Variants in TTC7B observed in about 807,000 individuals in gnomAD.
The protein encoded by TTC7B is tetratricopeptide repeat domain 7B, also known as tetratricopeptide repeat protein 7B.
A neutral mutation model predicts 106.8 loss-of-function variants in TTC7B; 28 were observed. The observed-to-expected ratio is 0.26, with a 90% confidence interval of 0.19 to 0.36. TTC7B has a LOEUF of 0.36. TTC7B is among the 10% of genes least tolerant of loss of function. The pLI, the probability that TTC7B is intolerant of heterozygous loss-of-function variation, is 1.00. For synonymous variants in TTC7B, 405 were observed against 430.6 expected, an observed-to-expected ratio of 0.94 and a Z score of 0.74; for missense variants, 862 against 1,076.4, an observed-to-expected ratio of 0.80 and a Z score of 2.79.
In TTC7B at chr14:90,655,002, C is replaced by T; in HGVS notation, c.1450G>A (p.Ala484Thr). ...LALGLTYSLQATDASLRGMQE... is the reference protein window; with the variant it reads ...LALGLTYSLQTTDASLRGMQE... ...GTGGGACGTCTCTCACCGTCAGTGG[C>T]CTGCAGACTGTACGTGAGCCCCAGA... is the stretch of plus-strand genomic sequence containing the variant. The change falls in exon 12 of 20, where the codon GCC (alanine) becomes ACC (threonine). Residue 484 changes from alanine (A) to threonine (T), a missense_variant. Ala to Thr is a moderately conservative substitution (Grantham distance 58). Transcript: ENST00000328459. 6.2e-7 allele frequency: 1 copy of T among 1,613,466 alleles called. No homozygotes were observed. The highest frequency in any genetic ancestry group is 8.5e-7 in the Non-Finnish European group (1 of 1,179,346).
At chr14:90,603,281 A>C (rs970908961) in intron 17 of TTC7B, 1 of 1,290,034 alleles carries the variant, frequency 7.8e-7, no homozygotes, top group East Asian at 5.5e-5. Context: ...GAAAACCATG[A>C]AAGTATGCTT....
At chr14:90,591,926 T>C (rs1222283079) in intron 18 of TTC7B, among the ~76,000 whole-genome samples, 1 of 152,338 alleles carries the variant, frequency 6.6e-6, no homozygotes, top group East Asian at 1.9e-4. Context: ...AGAGGCCAAA[T>C]GCTGCAGGCG....
At chr14:90,561,779 C>T (rs1053378004) in intron 19 of TTC7B, among the ~76,000 whole-genome samples, 1 of 152,200 alleles carries the variant, frequency 6.6e-6, no homozygotes, top group African/African-American at 2.4e-5. Context: ...TAAACCATGG[C>T]AGGGAAGAGG....
At chr14:90,604,539 A>G (rs763255539) in intron 17 of TTC7B, among the ~76,000 whole-genome samples, 10 of 152,338 alleles carry the variant, frequency 6.6e-5, no homozygotes, top group Non-Finnish European at 1.3e-4. Context: ...GTGAGCCATC[A>G]AAAGATATGC....
chr14:90,685,350 C>T (rs1034660400), intron 7 of TTC7B, among the ~76,000 whole-genome samples: 4 of 152,170 alleles, frequency 2.6e-5, no homozygotes, highest in African/African-American at 9.7e-5. Flanking sequence ...GTGAATGGGT[C>T]AGAGTCCAGC....
At chr14:90,794,364 C>G (rs1891701778) in intron 1 of TTC7B, among the ~76,000 whole-genome samples, 1 of 151,656 alleles carries the variant, frequency 6.6e-6, no homozygotes, top group South Asian at 2.1e-4. Context: ...GTAGCTGGGA[C>G]TACAGGCGCC....
chr14:90,550,387 C>T (rs1008264931), intron 19 of TTC7B, among the ~76,000 whole-genome samples: 1 of 152,226 alleles, frequency 6.6e-6, no homozygotes, highest in African/African-American at 2.4e-5. Context: ...ATTTGCTTAT[C>T]ACACACATGC....
intron 11 of TTC7B, among the ~76,000 whole-genome samples, chr14:90,655,711 G>C (rs1885919419): frequency 6.6e-6 from 1 of 152,158 alleles, no homozygotes; most frequent in Non-Finnish European, 1.5e-5. Context: ...AAAAGAGTAA[G>C]ATTTGTTCCA....
At chr14:90,680,670 T>C (rs1887017717) in intron 7 of TTC7B, 135 bp from the exon 8 acceptor site, 1 of 629,936 alleles carries the variant, frequency 1.6e-6, no homozygotes, top group South Asian at 2.1e-5. Context: ...GACACTTGAA[T>C]TAATTTGCCT....
At chr14:90,615,366 C>T (rs1475092245) in intron 16 of TTC7B, among the ~76,000 whole-genome samples, 1 of 152,186 alleles carries the variant, frequency 6.6e-6, no homozygotes, top group Admixed American at 6.5e-5. Flanking sequence ...GGGAAACTGG[C>T]AGATAGAGCA....
At chr14:90,763,647 TG>T (rs1890577754) in intron 3 of TTC7B, among the ~76,000 whole-genome samples, 1 of 152,122 alleles carries the variant, frequency 6.6e-6, no homozygotes, top group African/African-American at 2.4e-5. Flanking sequence ...AGCTAATAAA[TG>T]AGCTCAGCAG....
chr14:90,775,430 T>C (rs1420559840), intron 3 of TTC7B, among the ~76,000 whole-genome samples: 1 of 152,010 alleles, frequency 6.6e-6, no homozygotes, highest in African/African-American at 2.4e-5. Context: ...AGCTAGTAAG[T>C]GACAAAGCCA....
Position 90,657,300 on chromosome 14 carries a change from C to G in TTC7B, c.1237-22G>C. The G allele has an allele frequency of 6.2e-7, 1 of 1,609,914 alleles. No individual in the cohort carries two copies. Among genetic ancestry groups the G allele is most frequent in the African/African-American group, 1.3e-5 (1 of 75,030 alleles). ...CAGACTTGGCAAGAGAAGATTATTT[C>G]CGTGAAACTCAAAGTGTTTGACAGA... On this transcript the variant is annotated intron_variant, in intron 10 of 19. Coordinates refer to ENST00000328459, the MANE Select transcript of TTC7B (RefSeq NM_001010854.2). This position sits in a 1 kb window ranked among gnomAD's most constrained non-coding sequence, Gnocchi z 4.2.
At chr14:90,688,236 T>C (rs1463439859) in intron 7 of TTC7B, among the ~76,000 whole-genome samples, 1 of 152,198 alleles carries the variant, frequency 6.6e-6, no homozygotes. Flanking sequence ...ATGCCTGTAA[T>C]CCCAACACTT....
At chr14:90,656,914 CT>C (rs976873150) in intron 11 of TTC7B, among the ~76,000 whole-genome samples, 11 of 152,190 alleles carry the variant, frequency 7.2e-5, no homozygotes, top group Admixed American at 3.3e-4. Flanking sequence ...ATAATTCTGT[CT>C]TATTATCATT....
At chr14:90,706,646 A>G (rs1888223184) in intron 5 of TTC7B, among the ~76,000 whole-genome samples, 1 of 152,206 alleles carries the variant, frequency 6.6e-6, no homozygotes, top group Admixed American at 6.5e-5. Context: ...AATTCAAACT[A>G]TCCTATATTT....
At chr14:90,796,556 T>C (rs556391443) in intron 1 of TTC7B, among the ~76,000 whole-genome samples, 2 of 152,334 alleles carry the variant, frequency 1.3e-5, no homozygotes, top group Admixed American at 1.3e-4. Flanking sequence ...TGGAAGGGAC[T>C]GCCCTTCCTC....
chr14:90,769,071 G>C (rs2140024483), intron 3 of TTC7B, among the ~76,000 whole-genome samples: 1 of 152,220 alleles, frequency 6.6e-6, no homozygotes, highest in Non-Finnish European at 1.5e-5. Flanking sequence ...TACAGGAATG[G>C]AGTCTTTGTA....
intron 17 of TTC7B, among the ~76,000 whole-genome samples, chr14:90,605,419 A>G (rs1892597857): frequency 6.6e-6 from 1 of 152,236 alleles, no homozygotes; most frequent in Non-Finnish European, 1.5e-5. Flanking sequence ...ATGGGCTCCA[A>G]TGCCTGCAAT....
Sources: allele counts gnomAD v4.1 joint callset (sites outside exome capture counted in the v4.1 genomes callset), GRCh38; gene constraint gnomAD v4.1.1; non-coding constraint Gnocchi (gnomAD v3.1); transcripts MANE v1.5; gene names NCBI Gene and HGNC (gene_info 2026-07-23, HGNC 2026-07-21).